CSMD3: variants seen among roughly 807,000 people sequenced by gnomAD.
CSMD3 encodes the protein CUB and sushi domain-containing protein 3.
CSMD3 carries 177 observed loss-of-function variants against 435.2 expected under a neutral mutation model. The observed-to-expected ratio is 0.41, with a 90% CI of 0.36 to 0.46. The LOEUF (loss-of-function observed/expected upper bound fraction) is 0.46, where lower values mean the gene tolerates loss of function less well. CSMD3 is among the 20% of genes least tolerant of loss of function. CSMD3 has a pLI of 0.34. For missense variants in CSMD3, 4,265 were observed against 4,504.6 expected (o/e 0.95, Z 1.52); for synonymous variants, 1,656 against 1,520.5 (o/e 1.09, Z -2.07).
chr8:112,550,909 C>A (rs559587548), intron 26 of CSMD3, 36 bp from the exon 27 acceptor site: 107 of 1,477,992 alleles, frequency 7.2e-5, no homozygotes, highest in Admixed American at 5.0e-4. Context: ...TTATTTTAAA[C>A]AAGGATTCAA....
At chr8:112,598,281 G>C (rs1424416434) in intron 22 of CSMD3, among the ~76,000 whole-genome samples, 1 of 144,762 alleles carries the variant, frequency 6.9e-6, no homozygotes. Flanking sequence ...GCTTCAAAGA[G>C]AATAAAATAC....
chr8:113,252,289 G>A (rs1330345860), intron 3 of CSMD3, among the ~76,000 whole-genome samples: 3 of 151,918 alleles, frequency 2.0e-5, no homozygotes, highest in Admixed American at 6.6e-5. Flanking sequence ...CACAGCTATT[G>A]TCATTCCTAA....
chr8:112,411,150 C>T (rs1403284176), intron 32 of CSMD3, among the ~76,000 whole-genome samples: 1 of 147,722 alleles, frequency 6.8e-6, no homozygotes. Context: ...GCCTTTAGGC[C>T]TCTTCTCAAT....
chr8:112,661,116 T>C (rs2075369843), intron 17 of CSMD3, among the ~76,000 whole-genome samples: 1 of 152,182 alleles, frequency 6.6e-6, no homozygotes, highest in South Asian at 2.1e-4. Flanking sequence ...TCTAGCCTAA[T>C]TTAAAAGATT....
rs114264467 is a variant in CSMD3 at position 112,782,039 on chromosome 8, C to T, written c.1972+18123G>A. ...TAACTCTTCAATGCCCAGGCATCTA[C>T]GAACATCCACAAACATCAAGACCAT... On this transcript the variant is annotated intron_variant, in intron 13 of 70. Transcript: ENST00000297405. 8.4e-3 allele frequency among the ~76,000 whole-genome samples: 1,279 copies of T among 152,170 alleles called. 17 individuals carry two copies. The highest frequency in any genetic ancestry group is 0.029 in the African/African-American group (1,223 of 41,520).
intron 5 of CSMD3, among the ~76,000 whole-genome samples, chr8:113,069,788 C>T (rs2089024322): frequency 6.6e-6 from 1 of 152,094 alleles, no homozygotes; most frequent in African/African-American, 2.4e-5. Flanking sequence ...AGACATGCCA[C>T]TTTCAAGTTA....
intron 11 of CSMD3, among the ~76,000 whole-genome samples, chr8:112,838,877 T>G (rs1288910939): frequency 6.6e-6 from 1 of 151,656 alleles, no homozygotes; most frequent in Non-Finnish European, 1.5e-5. Flanking sequence ...TATATGAAAT[T>G]TATGAAATAG....
chr8:113,252,063 C>CTA (rs1308526442), intron 3 of CSMD3, among the ~76,000 whole-genome samples: 8 of 151,948 alleles, frequency 5.3e-5, no homozygotes, highest in Non-Finnish European at 1.5e-5. Flanking sequence ...CATACTGCTG[C>CTA]TATTATACTT....
intron 44 of CSMD3, among the ~76,000 whole-genome samples, chr8:112,335,753 A>C (rs200465184): frequency 8.6e-6 from 1 of 116,148 alleles, no homozygotes; most frequent in African/African-American, 3.0e-5. Context: ...TTTTTTTTTT[A>C]CCAAAACTCT....
At chr8:112,746,458 C>A (rs189924591) in intron 13 of CSMD3, among the ~76,000 whole-genome samples, 37 of 152,182 alleles carry the variant, frequency 2.4e-4, no homozygotes, top group Admixed American at 1.7e-3. Context: ...TGACTCATCC[C>A]TGGAGGACCA....
At chr8:112,933,610 T>G (rs2130722668) in intron 9 of CSMD3, among the ~76,000 whole-genome samples, 1 of 152,276 alleles carries the variant, frequency 6.6e-6, no homozygotes, top group Non-Finnish European at 1.5e-5. Context: ...TATAACGATT[T>G]CTGAATAAGT....
chr8:113,365,448 C>T (rs546123812), intron 1 of CSMD3, among the ~76,000 whole-genome samples: 19 of 152,034 alleles, frequency 1.2e-4, no homozygotes, highest in African/African-American at 3.9e-4. Flanking sequence ...AGAGACAGAG[C>T]TTTATATTAA....
intron 5 of CSMD3, among the ~76,000 whole-genome samples, chr8:113,065,739 C>A (rs2088827579): frequency 6.6e-6 from 1 of 152,090 alleles, no homozygotes; most frequent in African/African-American, 2.4e-5. Flanking sequence ...TATGTCATTC[C>A]TTCAGACCCT....
intron 10 of CSMD3, among the ~76,000 whole-genome samples, chr8:112,914,642 T>G (rs1022847967): frequency 1.3e-5 from 2 of 151,714 alleles, no homozygotes; most frequent in African/African-American, 4.8e-5. Context: ...GATAAAAGTT[T>G]ATCTCTTTCT....
At chr8:113,359,516 G>C (rs1455456964) in intron 1 of CSMD3, among the ~76,000 whole-genome samples, 2 of 152,176 alleles carry the variant, frequency 1.3e-5, no homozygotes, top group Non-Finnish European at 2.9e-5. Context: ...GGTTCTCTAG[G>C]ACCTGGAGGC....
chr8:113,186,660 G>A (rs1294187454), intron 3 of CSMD3, among the ~76,000 whole-genome samples: 1 of 151,902 alleles, frequency 6.6e-6, no homozygotes, highest in Non-Finnish European at 1.5e-5. Context: ...TTTTATTATG[G>A]AACTCTTCGG....
chr8:112,956,845 T>C (rs2084036899), intron 7 of CSMD3, among the ~76,000 whole-genome samples: 1 of 152,120 alleles, frequency 6.6e-6, no homozygotes, highest in Non-Finnish European at 1.5e-5. Flanking sequence ...TATGTCAATT[T>C]ATCTTTAATA....
chr8:113,137,164 A>C (rs1372920250), intron 4 of CSMD3, among the ~76,000 whole-genome samples: 1 of 151,730 alleles, frequency 6.6e-6, no homozygotes, highest in South Asian at 2.1e-4. Flanking sequence ...GTCCAAGTGT[A>C]TCAAGTTCTC....
intron 5 of CSMD3, among the ~76,000 whole-genome samples, chr8:113,093,136 G>A (rs1442025698): frequency 6.6e-6 from 1 of 152,060 alleles, no homozygotes; most frequent in Non-Finnish European, 1.5e-5. Flanking sequence ...TTCTCATTAA[G>A]ATCCTGTTAT....
Sources: allele counts gnomAD v4.1 joint callset (sites outside exome capture counted in the v4.1 genomes callset), GRCh38; gene constraint gnomAD v4.1.1; transcripts MANE v1.5; gene names NCBI Gene and HGNC (gene_info 2026-07-23, HGNC 2026-07-21).